The following EIF3D variants were observed in gnomAD, a reference collection of about 807,000 sequenced individuals.
EIF3D encodes eukaryotic translation initiation factor 3 subunit D.
EIF3D carries 10 observed loss-of-function variants against 75.4 expected under a neutral mutation model. That is an observed-to-expected ratio of 0.13 (90% CI 0.08 to 0.22). EIF3D has a LOEUF of 0.22. EIF3D is among the 10% of genes least tolerant of loss of function. EIF3D has a pLI of 1.00. For missense variants in EIF3D, 394 were observed against 708.0 expected (o/e 0.56, Z 5.03); for synonymous variants, 246 against 248.3 (o/e 0.99, Z 0.09).
At chr22:36,511,865 T>C (rs1934343077) in intron 13 of EIF3D, 79 bp from the exon 14 acceptor site, 1 of 1,541,694 alleles carries the variant, frequency 6.5e-7, no homozygotes, top group African/African-American at 1.4e-5. Flanking sequence ...GTCAATTAAA[T>C]GGTGATACCT....
Position 36,523,295 on chromosome 22 carries a change from CAT to C in EIF3D, c.393-16_393-15del. ...CGAATGCGTTCTCTGGAAAGACAGA[CAT>C]ATGATCTCAGTGCAGACCTTTAAAC... On this transcript the variant is annotated splice_polypyrimidine_tract_variant and intron_variant, in intron 5 of 14. Transcript: ENST00000216190. 6.2e-7 allele frequency: 1 copy of C among 1,609,046 alleles called. No individual in the cohort carries two copies. The highest frequency in any genetic ancestry group is 1.1e-5 in the South Asian group (1 of 90,620).
rs750768848 is a variant in EIF3D, at chr22:36,511,485, A to T, written c.1633+18T>A. On this transcript the variant is annotated intron_variant, in intron 14 of 14. Coordinates refer to ENST00000216190, the MANE Select transcript of EIF3D (RefSeq NM_003753.4). ...CCCACAGATCACTCTAGACCTCAGA[A>T]AGTGGGCTGCTACACACCTTCTTCT... The T allele has an allele frequency of 1.9e-6, 3 of 1,613,220 alleles. No homozygotes were observed. Among genetic ancestry groups the T allele is most frequent in the Non-Finnish European group, 2.5e-6 (3 of 1,179,908 alleles).
Position 36,511,677 on chromosome 22 carries a change from C to T in EIF3D, c.1459G>A (p.Ala487Thr). Residue 487 changes from alanine (A) to threonine (T), a missense_variant, in exon 14 of 15, where the codon GCC becomes ACC. Ala to Thr is a moderately conservative substitution (Grantham distance 58, BLOSUM62 0). Transcript: ENST00000216190. ...ASQINLSVEN[A>T]WGILRCVIDI... is the part of the protein sequence containing the mutation. Reference sequence around the variant, plus strand: ...ATGACGCAGCGTAAAATGCCCCAGGCATTCTCCACGCTCAGGTTGATCTGG... The same window carrying T: ...ATGACGCAGCGTAAAATGCCCCAGGTATTCTCCACGCTCAGGTTGATCTGG... The T allele has an allele frequency of 6.2e-7, 1 of 1,614,132 alleles. No homozygotes were observed. The highest frequency in any genetic ancestry group is 1.6e-4 in the Middle Eastern group (1 of 6,062).
chr22:36,520,937 G>C (rs781458198), intron 6 of EIF3D, among the ~76,000 whole-genome samples: 1 of 151,596 alleles, frequency 6.6e-6, no homozygotes, highest in African/African-American at 2.4e-5. Context: ...CACATAAAAC[G>C]GAGGGGCTCA....
At chr22:36,516,340 C>CAA in intron 12 of EIF3D, 138 bp downstream of exon 12, 7 of 1,072,908 alleles carry the variant, frequency 6.5e-6, no homozygotes, top group Admixed American at 2.7e-5. Flanking sequence ...ACTCACAAGA[C>CAA]AAAAAAAAAC....
Position 36,511,044 on chromosome 22 carries a change from G to A in EIF3D, c.1634-44C>T, listed in dbSNP as rs1296233683. On this transcript the variant is annotated intron_variant, in intron 14 of 14. Transcript: ENST00000216190. Reference sequence around the variant, plus strand: ...GTAAGAGAAATGAGCCAGGTTGTGTGATATGATGTTCACTTTCCTTTCTGA... The same window carrying A: ...GTAAGAGAAATGAGCCAGGTTGTGTAATATGATGTTCACTTTCCTTTCTGA... 2.5e-6 allele frequency: 4 copies of A among 1,594,786 alleles called. No homozygotes were observed. In the Admixed American group the frequency reaches 5.5e-5, roughly 22 times the overall value.
At chr22:36,512,858 G>GACAC (rs67441722) in intron 12 of EIF3D, 16 of 343,696 alleles carry the variant, frequency 4.7e-5, no homozygotes, top group African/African-American at 1.9e-4. Context: ...GACACACACG[G>GACAC]ACACACACAC....
At chr22:36,523,147 A>T (rs1603499003) in intron 6 of EIF3D, 62 bp downstream of exon 6, 2 of 1,357,992 alleles carry the variant, frequency 1.5e-6, no homozygotes, top group East Asian at 4.6e-5. Context: ...TAAGCTATTA[A>T]TAAAGACAAC....
At chr22:36,527,912 G>A (rs544793688) in intron 1 of EIF3D, among the ~76,000 whole-genome samples, 5 of 152,350 alleles carry the variant, frequency 3.3e-5, no homozygotes, top group African/African-American at 1.2e-4. Flanking sequence ...GGGAGATTGA[G>A]GCTTCCTTCA....
chr22:36,524,941 T>C (rs953174730), intron 3 of EIF3D, among the ~76,000 whole-genome samples: 1 of 152,182 alleles, frequency 6.6e-6, no homozygotes, highest in African/African-American at 2.4e-5. Context: ...CATATGCACA[T>C]TCAATTTTGA....
chr22:36,523,878 C>A lies in EIF3D; in HGVS notation c.392+17G>T, dbSNP rs769859450. On this transcript the variant is annotated intron_variant, in intron 5 of 14. Coordinates refer to ENST00000216190, the MANE Select transcript of EIF3D (RefSeq NM_003753.4). The stretch of plus-strand genomic sequence containing the variant: ...GTCTGGGAAGGGTGTCTTGTTCCAG[C>A]AGGATGAAAATCTCACCTCTCTTTC... 1 of 1,612,168 alleles carries A rather than the reference C, an allele frequency of 6.2e-7. No individual in the cohort carries two copies. The highest frequency in any genetic ancestry group is 2.2e-5 in the East Asian group (1 of 44,874).
chr22:36,526,433 G>C (rs1351977306), intron 1 of EIF3D, among the ~76,000 whole-genome samples: 1 of 152,080 alleles, frequency 6.6e-6, no homozygotes, highest in Non-Finnish European at 1.5e-5. Flanking sequence ...GTGTTGTATT[G>C]ATTGGTAGTT....
intron 6 of EIF3D, among the ~76,000 whole-genome samples, chr22:36,521,249 G>C (rs573005751): frequency 2.5e-4 from 38 of 152,292 alleles, no homozygotes; most frequent in Non-Finnish European, 4.3e-4. Flanking sequence ...ATGGAGTGCT[G>C]ACTGTTTTAT....
At chr22:36,514,449 G>A (rs1421785955) in intron 12 of EIF3D, among the ~76,000 whole-genome samples, 3 of 152,164 alleles carry the variant, frequency 2.0e-5, no homozygotes, top group Admixed American at 1.3e-4. Flanking sequence ...CAGATGTAAG[G>A]CCGCAAATCA....
At chr22:36,522,077 G>A (rs1934522621) in intron 6 of EIF3D, among the ~76,000 whole-genome samples, 1 of 152,178 alleles carries the variant, frequency 6.6e-6, no homozygotes, top group Non-Finnish European at 1.5e-5. Flanking sequence ...ATACAAGCCA[G>A]GCGCAGTGGC....
At chr22:36,527,544 C>T (rs6000300) in intron 1 of EIF3D, among the ~76,000 whole-genome samples, 54,113 of 152,170 alleles carry the variant, frequency 0.36, 10,158 homozygotes, top group African/African-American at 0.45. Flanking sequence ...ATTCACTACA[C>T]AAGTATTTCT....
rs1362411328 is a variant in EIF3D at position 36,516,581 on chromosome 22, T to C, written c.1103A>G (p.Asp368Gly). ...YRYRRWKLGD[D>G]IDLIVRCEHD... ...CTCACAACGGACAATAAGGTCAATA[T>C]CATCTCCAAGCTTCCACCTGCGGTA... is the stretch of plus-strand genomic sequence containing the variant. Residue 368 changes from aspartate to glycine, a missense_variant, in exon 12 of 15, where the codon GAT (aspartate) becomes GGT (glycine). By Grantham distance (94) the Asp-to-Gly change is moderately conservative (BLOSUM62 -1). Transcript: ENST00000216190. 1.2e-6 allele frequency: 2 copies of C among 1,614,086 alleles called. No homozygotes were observed. Among genetic ancestry groups the C allele is most frequent in the Non-Finnish European group, 1.7e-6 (2 of 1,180,002 alleles).
At chr22:36,525,750 C>T in intron 2 of EIF3D, 41 bp from the exon 3 acceptor site, 1 of 1,597,492 alleles carries the variant, frequency 6.3e-7, no homozygotes, top group Middle Eastern at 1.7e-4. Context: ...ACAGGTCAAC[C>T]AGGCAAGTTT....
intron 1 of EIF3D, 71 bp downstream of exon 1, chr22:36,529,005 C>T: frequency 5.9e-6 from 2 of 337,026 alleles, no homozygotes; most frequent in Admixed American, 9.7e-5. Flanking sequence ...TTCCGGGAGG[C>T]CCCCCGAAGG....
Sources: allele counts gnomAD v4.1 joint callset (sites outside exome capture counted in the v4.1 genomes callset), GRCh38; gene constraint gnomAD v4.1.1; transcripts MANE v1.5; gene names NCBI Gene and HGNC (gene_info 2026-07-23, HGNC 2026-07-21).